FAM107A: variants seen among roughly 807,000 people sequenced by gnomAD.
The protein encoded by FAM107A is actin-associated protein FAM107A.
A neutral mutation model predicts 13.7 loss-of-function variants in FAM107A; 19 were observed. That is an observed-to-expected ratio of 1.38 (90% CI 0.97 to 2.03). FAM107A has a LOEUF of 2.03. Ranked by LOEUF, FAM107A falls within the 30% of genes most tolerant of loss-of-function variation. The pLI is 0.00. For synonymous variants in FAM107A, 82 were observed against 74.5 expected (o/e 1.10, Z -0.52); for missense variants, 203 against 184.4 (o/e 1.10, Z -0.58).
chr3:58,607,460 TC>T (rs1419005787), intron 1 of FAM107A, among the ~76,000 whole-genome samples: 1 of 152,144 alleles, frequency 6.6e-6, no homozygotes, highest in Non-Finnish European at 1.5e-5. Context: ...TTTGGTGTGG[TC>T]CTCTACCTCT....
chr3:58,607,721 G>A (rs73076217), intron 1 of FAM107A: 14,154 of 152,226 alleles, frequency 0.093, 725 homozygotes, highest in East Asian at 0.16. Flanking sequence ...AAGGAGCTGC[G>A]GGCAGCCTCA....
Position 58,566,398 on chromosome 3 carries a change from A to G in FAM107A, c.*190T>C. ...GCAGGAGGGCTGGGTGCTTGGAAGG[A>G]AAACCTAGGAGCTTAGGGGCCCCAG... On this transcript the variant is annotated 3_prime_UTR_variant, in exon 4 of 4. Transcript: ENST00000360997. The G allele has an allele frequency of 1.8e-6, 1 of 566,392 alleles. No homozygotes were observed. Among genetic ancestry groups the G allele is most frequent in the African/African-American group, 1.9e-5 (1 of 53,218 alleles). The allele number at this position is 566,392 out of a possible 1,614,324, so 35.1% of individuals were successfully genotyped here. A position where few individuals can be genotyped will look rare whatever the true frequency, so the allele number is the denominator to read the frequency against.
intron 1 of FAM107A, among the ~76,000 whole-genome samples, chr3:58,616,339 C>A (rs2108082292): frequency 6.6e-6 from 1 of 152,090 alleles, no homozygotes; most frequent in East Asian, 1.9e-4. Context: ...TACAGAGGTC[C>A]AGGGGGCCAG....
In FAM107A at chr3:58,604,377, T is replaced by A. The variant is rs2065776335; in HGVS notation, c.-69-15108A>T. On this transcript the variant is annotated intron_variant, in intron 1 of 3. Coordinates refer to the FAM107A transcript ENST00000465970. The surrounding 1 kb of genome is among the most constrained non-coding windows in gnomAD (Gnocchi z 4.1). ...CAGCTCAGAGCATGTCCTGGGCTGA[T>A]AACAGGTCCTGTGCCAGACAGACTC... 6.6e-6 allele frequency among the ~76,000 whole-genome samples: 1 copy of A among 152,034 alleles called. No individual in the cohort carries two copies. The highest frequency in any genetic ancestry group is 6.5e-5 in the Admixed American group (1 of 15,274).
chr3:58,586,612 C>A (rs1185325698), intron 1 of FAM107A, among the ~76,000 whole-genome samples: 1 of 151,892 alleles, frequency 6.6e-6, no homozygotes, highest in Non-Finnish European at 1.5e-5. Flanking sequence ...TGGGGAGGAT[C>A]GCTTGAGCCC....
chr3:58,576,618 A>T (rs1298303925), intron 1 of FAM107A, among the ~76,000 whole-genome samples: 1 of 152,220 alleles, frequency 6.6e-6, no homozygotes, highest in Non-Finnish European at 1.5e-5. Flanking sequence ...TCAAAAAGTG[A>T]CACACCCAAT....
At chr3:58,584,351 G>C (rs1170604652) in intron 1 of FAM107A, among the ~76,000 whole-genome samples, 1 of 152,194 alleles carries the variant, frequency 6.6e-6, no homozygotes, top group African/African-American at 2.4e-5. Flanking sequence ...ATGAATAAAT[G>C]AATGAAGGGA....
intron 1 of FAM107A, chr3:58,607,044 G>A (rs1001553737): frequency 2.0e-5 from 3 of 152,166 alleles, no homozygotes; most frequent in African/African-American, 4.8e-5. Context: ...ACGTACAAGA[G>A]CCAAAAAATT....
Position 58,566,768 on chromosome 3 carries a change from T to C in FAM107A, c.328-73A>G. 2.4e-6 allele frequency: 3 copies of C among 1,255,306 alleles called. No individual in the cohort carries two copies. In the South Asian group the frequency reaches 3.7e-5, roughly 16 times the overall value. 77.8% of individuals were successfully genotyped at this position (1,255,306 alleles called of 1,614,324 possible). On this transcript the variant is annotated intron_variant, in intron 3 of 3. Transcript: ENST00000360997. ...TCCTACTCTGAAAACCTGTGGAGTT[T>C]GGACCAAGGGCCCACTCAGTGGGGA...
upstream of FAM107A, among the ~76,000 whole-genome samples, chr3:58,579,837 T>C (rs918978398): frequency 4.6e-5 from 7 of 152,226 alleles, no homozygotes; most frequent in Non-Finnish European, 4.4e-5. Context: ...CCGTGGGCAG[T>C]TGGGAGTCAC....
chr3:58,614,385 TTG>T (rs2065881908), intron 1 of FAM107A, among the ~76,000 whole-genome samples: 13 of 152,354 alleles, frequency 8.5e-5, no homozygotes, highest in Admixed American at 6.5e-4. Flanking sequence ...TCATTTTCTA[TTG>T]TCTAGAAGAC....
intron 1 of FAM107A, among the ~76,000 whole-genome samples, chr3:58,602,514 C>A (rs1225161909): frequency 6.6e-6 from 1 of 152,132 alleles, no homozygotes; most frequent in Non-Finnish European, 1.5e-5. Flanking sequence ...TGTGCATGAA[C>A]AAGCATTGTT....
At chr3:58,579,413 T>G (rs2065501848), upstream of FAM107A, among the ~76,000 whole-genome samples, 1 of 152,132 alleles carries the variant, frequency 6.6e-6, no homozygotes, top group African/African-American at 2.4e-5. Context: ...AAACAATGTG[T>G]GGTCCCTTTT....
intron 1 of FAM107A, among the ~76,000 whole-genome samples, chr3:58,600,943 G>A (rs918560256): frequency 6.6e-6 from 1 of 152,166 alleles, no homozygotes; most frequent in Non-Finnish European, 1.5e-5. Flanking sequence ...AAGAGCCAGC[G>A]TTTTGTAATC....
upstream of FAM107A, among the ~76,000 whole-genome samples, chr3:58,591,152 A>G (rs1436002342): frequency 2.6e-5 from 4 of 152,200 alleles, no homozygotes; most frequent in Non-Finnish European, 5.9e-5. The surrounding 1 kb of genome is among the most constrained non-coding windows in gnomAD (Gnocchi z 4.3). Context: ...AGCATGATGA[A>G]TAAGTAAGGT....
At chr3:58,568,304 G>A (rs148693114) in intron 2 of FAM107A, among the ~76,000 whole-genome samples, 104 of 152,018 alleles carry the variant, frequency 6.8e-4, no homozygotes, top group African/African-American at 2.3e-3. Flanking sequence ...GTGTGGTGGC[G>A]GGCACCTGTA....
intron 1 of FAM107A, among the ~76,000 whole-genome samples, chr3:58,625,491 G>T (rs1446249530): frequency 6.6e-6 from 1 of 152,232 alleles, no homozygotes; most frequent in Non-Finnish European, 1.5e-5. Flanking sequence ...TTTGACATCA[G>T]AGGGCTGAAA....
intron 1 of FAM107A, among the ~76,000 whole-genome samples, chr3:58,607,308 C>T (rs750938387): frequency 6.6e-6 from 1 of 152,148 alleles, no homozygotes; most frequent in Non-Finnish European, 1.5e-5. Flanking sequence ...TTTGCAGTTG[C>T]CAACCTAGAG....
chr3:58,580,368 C>T (rs2065520161), upstream of FAM107A, among the ~76,000 whole-genome samples: 1 of 143,074 alleles, frequency 7.0e-6, no homozygotes. Context: ...GCTAAAAATG[C>T]TCTTGCTTTT....
Sources: gnomAD v4.1 joint callset for allele counts (sites outside exome capture counted in the v4.1 genomes callset) on GRCh38, gnomAD v4.1.1 for gene constraint, Gnocchi (gnomAD v3.1) non-coding constraint, MANE v1.5 for transcripts, NCBI Gene and HGNC (gene_info 2026-07-23, HGNC 2026-07-21) for gene names.